The following HIRA variants were observed in gnomAD, a reference collection of about 807,000 sequenced individuals.
HIRA encodes histone cell cycle regulator.
A neutral mutation model predicts 126.6 loss-of-function variants in HIRA; 13 were observed. That is an observed-to-expected ratio of 0.10 (90% CI 0.07 to 0.16). The LOEUF (loss-of-function observed/expected upper bound fraction) is 0.16. HIRA is among the 10% of genes least tolerant of loss of function. The probability of loss-of-function intolerance (pLI) is 1.00; values close to 1 mark genes in which losing one functional copy is unlikely to be tolerated. For synonymous variants in HIRA, 511 were observed against 520.0 expected (o/e 0.98, Z 0.24); for missense variants, 834 against 1,314.4 (o/e 0.63, Z 5.65).
At chr22:19,385,483 A>G (rs759223543) in intron 12 of HIRA, 38 bp downstream of exon 12, 94 of 1,583,172 alleles carry the variant, frequency 5.9e-5, no homozygotes, top group Non-Finnish European at 7.3e-5. Flanking sequence ...CCCTGGGCAT[A>G]TGTCCATGTC....
chr22:19,339,488 T>A (rs1300856399), intron 24 of HIRA, among the ~76,000 whole-genome samples: 2 of 151,944 alleles, frequency 1.3e-5, no homozygotes, highest in Non-Finnish European at 2.9e-5. Context: ...TAGAAAAAAA[T>A]TAGCTGGGTG....
In HIRA at chr22:19,375,837, G is replaced by C. The variant is rs774742921; in HGVS notation, c.1614-45C>G. 22 of 1,594,386 alleles carry C rather than the reference G, an allele frequency of 1.4e-5. No homozygotes were observed. The South Asian group carries it at 2.4e-4, about 18-fold the overall frequency. The stretch of plus-strand genomic sequence containing the variant: ...AGGCATGTCAAGCGCAATCCTGAAA[G>C]GATCTGGAGGTCTAGTATTTGCATT... On this transcript the variant is annotated intron_variant, in intron 14 of 24. Transcript: ENST00000263208.
chr22:19,380,964 C>T (rs2089067683), intron 13 of HIRA, among the ~76,000 whole-genome samples: 1 of 152,140 alleles, frequency 6.6e-6, no homozygotes, highest in Non-Finnish European at 1.5e-5. Context: ...GTCTGATTCC[C>T]AAAATTCCTA....
In HIRA at chr22:19,405,887, G is replaced by A. The variant is rs1011614289; in HGVS notation, c.303-7C>T. ...GGTGCTGGGGCCGATGTACCTGTGT[G>A]AGAAAGGGGCCAAAAAGGCACTCAT... is the stretch of plus-strand genomic sequence containing the variant. On this transcript the variant is annotated splice_polypyrimidine_tract_variant and splice_region_variant and intron_variant, in intron 4 of 24. Transcript: ENST00000263208. 2.7e-6 allele frequency: 4 copies of A among 1,458,030 alleles called. No individual in the cohort carries two copies. The highest frequency in any genetic ancestry group is 1.5e-5 in the South Asian group (1 of 68,182). 90.3% of individuals were successfully genotyped at this position (1,458,030 alleles called of 1,614,324 possible).
At chr22:19,361,153 T>C (rs2088859564) in intron 17 of HIRA, 84 bp downstream of exon 17, 2 of 1,055,910 alleles carry the variant, frequency 1.9e-6, no homozygotes, top group East Asian at 4.8e-5. Context: ...TCCAAGGAAG[T>C]GACAAGATAG....
At chr22:19,423,173 C>A (rs1195783796) in intron 1 of HIRA, among the ~76,000 whole-genome samples, 1 of 152,218 alleles carries the variant, frequency 6.6e-6, no homozygotes, top group African/African-American at 2.4e-5. Context: ...TACCTTTTCA[C>A]TCAGGCTTTG....
At chr22:19,398,228 A>G (rs1480126705) in intron 5 of HIRA, 141 bp from the exon 6 acceptor site, 12 of 625,526 alleles carry the variant, frequency 1.9e-5, no homozygotes, top group Non-Finnish European at 3.4e-5. Context: ...TCCCCCCAGA[A>G]TTTTTCAATT....
chr22:19,379,015 G>A (rs1378203113), intron 13 of HIRA, among the ~76,000 whole-genome samples: 3 of 150,710 alleles, frequency 2.0e-5, no homozygotes, highest in Admixed American at 6.6e-5. Flanking sequence ...TATGAGTGAC[G>A]TTGACATTTT....
chr22:19,401,939 C>A (rs1439463659), intron 5 of HIRA, among the ~76,000 whole-genome samples: 1 of 152,220 alleles, frequency 6.6e-6, no homozygotes, highest in Non-Finnish European at 1.5e-5. Flanking sequence ...CTGCCACGGT[C>A]TCAAAGGCAC....
At position 19,378,115 on chromosome 22, in the gene HIRA, T is replaced by A. The variant is rs775332856; in HGVS notation, c.1416-49A>T. On this transcript the variant is annotated intron_variant, in intron 13 of 24. Coordinates refer to ENST00000263208, the MANE Select transcript of HIRA (RefSeq NM_003325.4). Reference sequence around the variant, plus strand: ...TCAGCCTTGAAAGTCAGGTGCCACATCCAGTACTTTATACATTCAAATAAC... The same window carrying A: ...TCAGCCTTGAAAGTCAGGTGCCACAACCAGTACTTTATACATTCAAATAAC... The A allele has an allele frequency of 7.1e-6, 10 of 1,401,040 alleles. No homozygotes were observed. The African/African-American group carries it at 1.0e-4, about 14-fold the overall frequency. 86.8% of individuals were successfully genotyped at this position (1,401,040 alleles called of 1,614,324 possible).
intron 1 of HIRA, among the ~76,000 whole-genome samples, chr22:19,421,603 T>TA (rs2089446854): frequency 6.6e-6 from 1 of 152,248 alleles, no homozygotes; most frequent in African/African-American, 2.4e-5. Context: ...TTCACAGTCT[T>TA]ACTGAGCTCA....
intron 1 of HIRA, among the ~76,000 whole-genome samples, chr22:19,429,175 GTCA>G (rs1414861340): frequency 9.1e-6 from 1 of 109,690 alleles, no homozygotes; most frequent in African/African-American, 3.6e-5. Context: ...GAGTCTCACT[GTCA>G]TCAGGCTGGA....
In HIRA at chr22:19,356,276, T is replaced by C; in HGVS notation, c.2409A>G (p.Arg803=). 1.2e-6 allele frequency: 2 copies of C among 1,613,994 alleles called. No homozygotes were observed. The highest frequency in any genetic ancestry group is 1.7e-6 in the Non-Finnish European group (2 of 1,179,910). Residue 803 remains arginine (R), a synonymous_variant, in exon 20 of 25, where the codon AGA becomes AGG. Transcript: ENST00000263208. ...AATLSVWDVH[R]QVVVVKEESL... Reference sequence around the variant, plus strand: ...ACTCTTCTTTCACCACAACCACCTGTCTGTGAACATCCCTAGGAGGGAGAC... The same window carrying C: ...ACTCTTCTTTCACCACAACCACCTGCCTGTGAACATCCCTAGGAGGGAGAC...
chr22:19,421,441 A>C (rs1427238619), intron 1 of HIRA, among the ~76,000 whole-genome samples: 1 of 152,242 alleles, frequency 6.6e-6, no homozygotes, highest in African/African-American at 2.4e-5. Flanking sequence ...TCTTAAAAAA[A>C]TTCAGACACT....
At chr22:19,367,234 C>T (rs2088921814) in intron 15 of HIRA, among the ~76,000 whole-genome samples, 2 of 152,126 alleles carry the variant, frequency 1.3e-5, no homozygotes, top group South Asian at 4.1e-4. Context: ...TTCCATAGTA[C>T]AGTCATCCTT....
chr22:19,354,422 G>A (rs1420299654), intron 21 of HIRA, among the ~76,000 whole-genome samples: 1 of 152,216 alleles, frequency 6.6e-6, no homozygotes, highest in Non-Finnish European at 1.5e-5. Flanking sequence ...AGGCCTCTGT[G>A]TGCAGTGTGC....
intron 8 of HIRA, among the ~76,000 whole-genome samples, chr22:19,393,656 G>A (rs145402159): frequency 8.9e-4 from 136 of 152,162 alleles, no homozygotes; most frequent in African/African-American, 3.1e-3. Flanking sequence ...GTGTCCGGCC[G>A]ATACTTATTA....
intron 24 of HIRA, among the ~76,000 whole-genome samples, chr22:19,338,282 C>T (rs1488170522): frequency 1.3e-5 from 2 of 151,910 alleles, no homozygotes; most frequent in Non-Finnish European, 1.5e-5. Flanking sequence ...AATTTGCCAC[C>T]ACCAAGCCAG....
rs111823847 is a variant in HIRA, at chr22:19,409,284, T to TTTTC, written c.101-695_101-692dup. ...ACCCATGCCTTTTAGTAATGATTTC[T>TTTTC]TTTCTTTTTTTTTTTTTGAGATGGA... On this transcript the variant is annotated intron_variant, in intron 2 of 24. Transcript: ENST00000263208. 1.1e-3 allele frequency among the ~76,000 whole-genome samples: 156 copies of TTTTC among 142,464 alleles called. 3 individuals carry two copies. The highest frequency in any genetic ancestry group is 4.1e-3 in the African/African-American group (137 of 33,148). The allele number at this position is 142,464 out of a possible 152,430, so 93.5% of individuals were successfully genotyped here. A position where few individuals can be genotyped will look rare whatever the true frequency, so the allele number is the denominator to read the frequency against.
Sources: gnomAD v4.1 joint callset for allele counts (sites outside exome capture counted in the v4.1 genomes callset) on GRCh38, gnomAD v4.1.1 for gene constraint, MANE v1.5 for transcripts, NCBI Gene and HGNC (gene_info 2026-07-23, HGNC 2026-07-21) for gene names.